CDH13: variants seen among roughly 807,000 people sequenced by gnomAD.
CDH13 encodes cadherin-13.
A neutral mutation model predicts 63.8 loss-of-function variants in CDH13; 24 were observed. That is an observed-to-expected ratio of 0.38 (90% CI 0.27 to 0.53). The LOEUF is 0.53. Among genes scored for constraint, CDH13 ranks in the 20% least tolerant of loss-of-function variants. The pLI, the probability that CDH13 is intolerant of heterozygous loss-of-function variation, is 0.85. For missense variants in CDH13, 1,049 were observed against 903.1 expected (o/e 1.16, Z -2.07); for synonymous variants, 503 against 355.3 (o/e 1.42, Z -4.67).
At chr16:83,033,075 G>T (rs1190916340) in intron 3 of CDH13, among the ~76,000 whole-genome samples, 1 of 152,156 alleles carries the variant, frequency 6.6e-6, no homozygotes, top group African/African-American at 2.4e-5. Flanking sequence ...ACAGGCATAT[G>T]TACCATATAC....
At chr16:83,696,629 T>C (rs528778834) in intron 10 of CDH13, among the ~76,000 whole-genome samples, 1 of 152,238 alleles carries the variant, frequency 6.6e-6, no homozygotes, top group East Asian at 1.9e-4. Flanking sequence ...AAGTAAACAT[T>C]TCCCAAATAC....
At chr16:83,088,697 C>G (rs997202322) in intron 3 of CDH13, among the ~76,000 whole-genome samples, 2 of 152,178 alleles carry the variant, frequency 1.3e-5, no homozygotes, top group Admixed American at 1.3e-4. Flanking sequence ...CATGGCTCAA[C>G]ATGTTTAAAG....
intron 1 of CDH13, among the ~76,000 whole-genome samples, chr16:82,634,963 T>G (rs1263663234): frequency 6.6e-6 from 1 of 152,234 alleles, no homozygotes; most frequent in Non-Finnish European, 1.5e-5. Flanking sequence ...AGACTGAGTC[T>G]CTGCTCTCCT....
chr16:82,945,399 T>C (rs560437073), intron 2 of CDH13, among the ~76,000 whole-genome samples: 4 of 151,536 alleles, frequency 2.6e-5, no homozygotes, highest in African/African-American at 7.3e-5. Context: ...CTGGATCAAG[T>C]ACGAAATGGA....
chr16:83,276,969 A>G (rs968709612), intron 5 of CDH13, among the ~76,000 whole-genome samples: 3 of 152,170 alleles, frequency 2.0e-5, no homozygotes, highest in African/African-American at 7.2e-5. Context: ...ATTAGATCTC[A>G]TGAGACTTAC....
intron 1 of CDH13, 142 bp from the exon 2 acceptor site, chr16:82,858,220 C>T (rs1433624611): frequency 1.7e-6 from 1 of 604,776 alleles, no homozygotes; most frequent in African/African-American, 1.9e-5. Context: ...TTGGCAGCCA[C>T]TGGAGAAGTT....
At chr16:82,998,524 T>C (rs961794432) in intron 2 of CDH13, among the ~76,000 whole-genome samples, 2 of 152,144 alleles carry the variant, frequency 1.3e-5, no homozygotes, top group African/African-American at 4.8e-5. Context: ...TACTAGACTT[T>C]TCTGTCCAGG....
intron 2 of CDH13, among the ~76,000 whole-genome samples, chr16:83,031,023 A>G (rs1916258347): frequency 6.6e-6 from 1 of 151,730 alleles, no homozygotes; most frequent in Admixed American, 6.6e-5. Flanking sequence ...GATGGTGGAT[A>G]GGCAAGAAAA....
intron 1 of CDH13, among the ~76,000 whole-genome samples, chr16:82,654,594 G>A (rs1911088965): frequency 6.6e-6 from 1 of 152,124 alleles, no homozygotes; most frequent in African/African-American, 2.4e-5. Flanking sequence ...TCTGCTTTGG[G>A]CATTCCCATT....
intron 6 of CDH13, among the ~76,000 whole-genome samples, chr16:83,392,759 T>G (rs1483252345): frequency 1.3e-5 from 2 of 152,034 alleles, no homozygotes; most frequent in Non-Finnish European, 2.9e-5. Context: ...TGTCAGAGCT[T>G]CTGTAATTAC....
chr16:83,710,714 G>A (rs1265258512), intron 10 of CDH13, among the ~76,000 whole-genome samples: 1 of 152,004 alleles, frequency 6.6e-6, no homozygotes, highest in Non-Finnish European at 1.5e-5. Context: ...GAATTAACAG[G>A]AAGATTGTAA....
At chr16:82,710,571 ATATAT>A (rs1567650009) in intron 1 of CDH13, among the ~76,000 whole-genome samples, 14 of 124,374 alleles carry the variant, frequency 1.1e-4, no homozygotes, top group African/African-American at 3.6e-4. Flanking sequence ...ATATATATAT[ATATAT>A]AAATATATTT....
rs1904279965 is a variant in CDH13 at position 83,796,177 on chromosome 16, A to G, written c.*1147A>G. On this transcript the variant is annotated 3_prime_UTR_variant, in exon 14 of 14. Transcript: ENST00000567109. The stretch of plus-strand genomic sequence containing the variant: ...CTGATTTGTATTCTGTGAGCATGTA[A>G]AAGCGGAAAGTTAGTGCTTGTTCTA... 6.6e-6 allele frequency: 1 copy of G among 152,460 alleles called. No homozygotes were observed. The allele number at this position is 152,460 out of a possible 1,614,324, so 9.4% of individuals were successfully genotyped here.
chr16:83,037,859 G>A (rs1393651744), intron 3 of CDH13, among the ~76,000 whole-genome samples: 1 of 152,132 alleles, frequency 6.6e-6, no homozygotes, highest in Non-Finnish European at 1.5e-5. Flanking sequence ...ATAGGGATAA[G>A]AACAGTCTGT....
intron 10 of CDH13, among the ~76,000 whole-genome samples, chr16:83,719,746 C>G (rs147324395): frequency 6.6e-6 from 1 of 152,146 alleles, no homozygotes; most frequent in Admixed American, 6.5e-5. Context: ...TACCATTATA[C>G]CAGATGCCAT....
At chr16:83,051,834 A>C (rs2030372193) in intron 3 of CDH13, among the ~76,000 whole-genome samples, 1 of 152,140 alleles carries the variant, frequency 6.6e-6, no homozygotes. Flanking sequence ...ACAGACCGAA[A>C]ACTTTGAGTC....
chr16:82,642,445 G>T (rs1909530363), intron 1 of CDH13, among the ~76,000 whole-genome samples: 1 of 152,188 alleles, frequency 6.6e-6, no homozygotes, highest in Non-Finnish European at 1.5e-5. Context: ...ATATATGCAA[G>T]ATATAATTTT....
At chr16:82,807,627 C>T (rs949245122) in intron 1 of CDH13, among the ~76,000 whole-genome samples, 4 of 152,148 alleles carry the variant, frequency 2.6e-5, no homozygotes, top group African/African-American at 9.7e-5. Context: ...TTGAAAATGC[C>T]TCATTGTGGG....
chr16:83,305,906 C>T (rs1309307554), intron 5 of CDH13, among the ~76,000 whole-genome samples: 1 of 152,196 alleles, frequency 6.6e-6, no homozygotes, highest in African/African-American at 2.4e-5. Flanking sequence ...GGAATAATGA[C>T]AGTGCCTAAC....
Sources: gnomAD v4.1 joint callset for allele counts (sites outside exome capture counted in the v4.1 genomes callset) on GRCh38, gnomAD v4.1.1 for gene constraint, MANE v1.5 for transcripts, NCBI Gene and HGNC (gene_info 2026-07-23, HGNC 2026-07-21) for gene names.